TMEM108: variants seen among roughly 807,000 people sequenced by gnomAD.
TMEM108 encodes the protein transmembrane protein 108.
In TMEM108, 12 loss-of-function variants were observed where a neutral mutation model predicts 35.1. The observed-to-expected ratio is 0.34, with a 90% CI of 0.22 to 0.55. The LOEUF is 0.55. Ranked by LOEUF, TMEM108 falls within the 20% of genes least tolerant of loss-of-function variation. The pLI is 0.89. For missense variants in TMEM108, 680 were observed against 753.3 expected, an observed-to-expected ratio of 0.90 and a Z score of 1.14; for synonymous variants, 287 against 308.6, an observed-to-expected ratio of 0.93 and a Z score of 0.73.
At chr3:133,173,234 G>C (rs1335437226) in intron 2 of TMEM108, among the ~76,000 whole-genome samples, 2 of 152,188 alleles carry the variant, frequency 1.3e-5, no homozygotes, top group Non-Finnish European at 2.9e-5. Flanking sequence ...TGTAAAAATG[G>C]TGCAACAAAA....
At chr3:133,177,271 T>C (rs1368586643) in intron 2 of TMEM108, among the ~76,000 whole-genome samples, 1 of 152,168 alleles carries the variant, frequency 6.6e-6, no homozygotes, top group Non-Finnish European at 1.5e-5. Flanking sequence ...TCTGAAACTA[T>C]TCCAATCAAT....
At chr3:133,092,862 G>C (rs1253785803) in intron 2 of TMEM108, among the ~76,000 whole-genome samples, 1 of 152,080 alleles carries the variant, frequency 6.6e-6, no homozygotes, top group Admixed American at 6.5e-5. Context: ...GATTTAAGTA[G>C]AAGGAAACAG....
chr3:133,375,259 C>T (rs1032246230), intron 3 of TMEM108, among the ~76,000 whole-genome samples: 85 of 152,304 alleles, frequency 5.6e-4, no homozygotes, highest in Non-Finnish European at 7.3e-5. Context: ...CTTTCCTTCC[C>T]TTGGGTCCTG....
intron 3 of TMEM108, among the ~76,000 whole-genome samples, chr3:133,292,731 A>G (rs1244683116): frequency 6.6e-6 from 1 of 152,176 alleles, no homozygotes; most frequent in African/African-American, 2.4e-5. Context: ...TCTCAGAGAC[A>G]CAGATGCCTT....
intron 2 of TMEM108, among the ~76,000 whole-genome samples, chr3:133,158,086 A>G (rs1944905580): frequency 3.3e-5 from 5 of 152,018 alleles, no homozygotes; most frequent in Admixed American, 3.3e-4. Flanking sequence ...ACTCCTTTTT[A>G]TATAACAGAT....
intron 2 of TMEM108, among the ~76,000 whole-genome samples, chr3:133,154,783 G>C (rs1407422751): frequency 6.6e-6 from 1 of 152,068 alleles, no homozygotes; most frequent in Non-Finnish European, 1.5e-5. Flanking sequence ...AATGGGTGTA[G>C]CACACCAACA....
chr3:133,380,466 C>A lies in TMEM108; in HGVS notation c.755C>A (p.Thr252Lys). ...TACTCCTCTTCACCACAGCCCCAGA[C>A]AGTGGCTGCGACCACAGTGCCCAGC... is the stretch of plus-strand genomic sequence containing the variant. ...WGYSSSPQPQ[T>K]VAATTVPSNT... The change falls in exon 4 of 6, where the codon ACA (threonine) becomes AAA (lysine). Residue 252 changes from threonine to lysine, a missense_variant. Physicochemically the swap from Thr to Lys is moderately conservative, Grantham distance 78. Around this residue, in one of 3 missense-constraint regions of TMEM108, gnomAD observed 526 missense variants for 532.1 expected, o/e 0.99. Coordinates refer to ENST00000321871, the MANE Select transcript of TMEM108 (RefSeq NM_023943.4). The surrounding 1 kb of genome is among the most constrained non-coding windows in gnomAD (Gnocchi z 5.3). The A allele has an allele frequency of 1.2e-6, 2 of 1,614,034 alleles. No homozygotes were observed. Among genetic ancestry groups the A allele is most frequent in the Non-Finnish European group, 1.7e-6 (2 of 1,179,990 alleles).
chr3:133,207,105 A>C (rs755263853), intron 2 of TMEM108, among the ~76,000 whole-genome samples: 3 of 152,098 alleles, frequency 2.0e-5, no homozygotes, highest in Non-Finnish European at 2.9e-5. Flanking sequence ...TTACAATGTG[A>C]GGGGAAAAAC....
At chr3:133,188,849 G>A (rs1370990906) in intron 2 of TMEM108, among the ~76,000 whole-genome samples, 1 of 152,204 alleles carries the variant, frequency 6.6e-6, no homozygotes, top group Non-Finnish European at 1.5e-5. Context: ...GTTCCGTATA[G>A]TCATTTAGGG....
intron 2 of TMEM108, among the ~76,000 whole-genome samples, chr3:133,081,175 G>A (rs1943806167): frequency 6.6e-6 from 1 of 152,158 alleles, no homozygotes; most frequent in South Asian, 2.1e-4. Flanking sequence ...TCCTAGCTCA[G>A]GCTGCCATCA....
intron 3 of TMEM108, among the ~76,000 whole-genome samples, chr3:133,370,917 T>TGC (rs1268008281): frequency 7.3e-4 from 99 of 136,192 alleles, no homozygotes; most frequent in African/African-American, 2.5e-3. Flanking sequence ...TGTGTGTGTG[T>TGC]GTGTGCCAGG....
intron 3 of TMEM108, among the ~76,000 whole-genome samples, chr3:133,341,789 A>G (rs1168565456): frequency 6.6e-6 from 1 of 151,854 alleles, no homozygotes; most frequent in Non-Finnish European, 1.5e-5. Flanking sequence ...GAGAAAAGAC[A>G]ATCTCTTCAA....
Position 133,134,839 on chromosome 3 carries a change from C to T in TMEM108, c.-47+88819C>T, listed in dbSNP as rs181161252. Among the ~76,000 whole-genome samples the T allele has an allele frequency of 4.8e-3, 731 of 152,136 alleles. 6 individuals carry two copies. Among genetic ancestry groups the T allele is most frequent in the Middle Eastern group, 0.031 (9 of 294 alleles). ...ACTACTCTGTCTGCCTTCGCATACC[C>T]ATCTTGCTGTCTTTTGAATTGATAA... On this transcript the variant is annotated intron_variant, in intron 2 of 5. Transcript: ENST00000321871.
chr3:133,164,168 T>C (rs1037979389), intron 2 of TMEM108, among the ~76,000 whole-genome samples: 2 of 152,214 alleles, frequency 1.3e-5, no homozygotes, highest in Non-Finnish European at 2.9e-5. Context: ...ACATGGACTA[T>C]ATTTTTAGTG....
chr3:133,388,757 A>G, intron 4 of TMEM108: 1 of 985,456 alleles, frequency 1.0e-6, no homozygotes, highest in Non-Finnish European at 1.2e-6. Context: ...AAGCTACAGA[A>G]TTCCCCAGGC....
chr3:133,241,231 G>A (rs973074926), intron 3 of TMEM108, among the ~76,000 whole-genome samples: 3 of 152,194 alleles, frequency 2.0e-5, no homozygotes, highest in African/African-American at 7.2e-5. Context: ...ATATGTGATG[G>A]ACACTGGAGA....
chr3:133,098,058 G>A (rs1040011627), intron 2 of TMEM108, among the ~76,000 whole-genome samples: 4 of 152,270 alleles, frequency 2.6e-5, no homozygotes, highest in African/African-American at 9.6e-5. Flanking sequence ...TCCAAAAGAG[G>A]ACAGGTGTAG....
At chr3:133,214,692 A>T (rs887726433) in intron 2 of TMEM108, among the ~76,000 whole-genome samples, 2 of 152,148 alleles carry the variant, frequency 1.3e-5, no homozygotes, top group Non-Finnish European at 2.9e-5. Context: ...CCCCTGGGCC[A>T]CAGACTGGTA....
At chr3:133,322,076 C>T (rs1467908301) in intron 3 of TMEM108, among the ~76,000 whole-genome samples, 1 of 152,034 alleles carries the variant, frequency 6.6e-6, no homozygotes, top group African/African-American at 2.4e-5. Flanking sequence ...ATCAAAAAGT[C>T]TGAAAGAGCA....
Sources: gnomAD v4.1 joint callset for allele counts (sites outside exome capture counted in the v4.1 genomes callset) on GRCh38, gnomAD v4.1.1 for gene constraint, gnomAD v4.1.1 regional missense constraint, Gnocchi (gnomAD v3.1) non-coding constraint, MANE v1.5 for transcripts, NCBI Gene and HGNC (gene_info 2026-07-23, HGNC 2026-07-21) for gene names.